Variants in MYO5A observed in about 807,000 individuals in gnomAD.
MYO5A encodes myosin VA, also known as unconventional myosin-Va.
Under a neutral mutation model 249.7 loss-of-function variants are expected in MYO5A, and 98 were observed. The observed-to-expected ratio is 0.39, with a 90% CI of 0.33 to 0.46. MYO5A has a LOEUF of 0.46. Ranked by LOEUF, MYO5A falls within the 20% of genes least tolerant of loss-of-function variation. The pLI is 0.98. For missense variants in MYO5A, 1,696 were observed against 2,308.8 expected (o/e 0.73, Z 5.44); for synonymous variants, 778 against 810.6 (o/e 0.96, Z 0.68).
At chr15:52,367,807 T>C (rs2040885210) in intron 22 of MYO5A, among the ~76,000 whole-genome samples, 2 of 151,640 alleles carry the variant, frequency 1.3e-5, no homozygotes, top group African/African-American at 4.9e-5. Context: ...ATGTACTTAA[T>C]GCCACAGAAC....
At chr15:52,410,218 A>G (rs936613023) in intron 6 of MYO5A, 115 bp downstream of exon 6, 2 of 1,254,300 alleles carry the variant, frequency 1.6e-6, no homozygotes, top group African/African-American at 1.5e-5. Flanking sequence ...GTTGGAGGTA[A>G]TATTGTCATA....
In MYO5A at chr15:52,386,800, G is replaced by A. The variant is rs138306725; in HGVS notation, c.1752+1029C>T. Among the ~76,000 whole-genome samples the A allele has an allele frequency of 5.3e-4, 81 of 152,126 alleles. 1 individual carries two copies. In the East Asian group the frequency reaches 7.0e-3, roughly 13 times the overall value. ...TGGGCTCAAGCAGTCTGCCTGCCTC[G>A]GCCTCCCAAAGTGCTGGGATTACAG... On this transcript the variant is annotated intron_variant, in intron 14 of 41. Transcript: ENST00000399233.
In MYO5A at chr15:52,407,286, C is replaced by A; in HGVS notation, c.946+6G>T. The A allele has an allele frequency of 6.2e-7, 1 of 1,601,264 alleles. No homozygotes were observed. The highest frequency in any genetic ancestry group is 8.6e-7 in the Non-Finnish European group (1 of 1,168,268). ...TCTTAAGAGCTCAAGAATAAAGTGACATTACCTAGCAAAGTGCAGGCCTGC... is the reference window on the plus strand; with the variant it reads ...TCTTAAGAGCTCAAGAATAAAGTGAAATTACCTAGCAAAGTGCAGGCCTGC... On this transcript the variant is annotated splice_donor_region_variant and intron_variant, in intron 8 of 41. Coordinates refer to ENST00000399233, the MANE Select transcript of MYO5A (RefSeq NM_001382347.1).
At chr15:52,364,759 G>A in intron 23 of MYO5A, 57 bp from the exon 24 acceptor site, 1 of 1,583,508 alleles carries the variant, frequency 6.3e-7, no homozygotes, top group Non-Finnish European at 8.6e-7. Flanking sequence ...ATGCAATTGT[G>A]TAAACATGTA....
At chr15:52,522,841 T>TAAAAAAA in intron 1 of MYO5A, among the ~76,000 whole-genome samples, 1 of 136,220 alleles carries the variant, frequency 7.3e-6, no homozygotes, top group Admixed American at 7.4e-5. Context: ...TTTCATTATT[T>TAAAAAAA]AAAAAAAAAA....
chr15:52,314,117 T>A lies in MYO5A; in HGVS notation c.5490+6A>T. ...GTGAATCAAAGAAGAAGATGGGAGC[T>A]CTTACCTGTATAGTACGAATGAACG... On this transcript the variant is annotated splice_donor_region_variant and intron_variant, in intron 41 of 41. Coordinates refer to ENST00000399233, the MANE Select transcript of MYO5A (RefSeq NM_001382347.1). The A allele has an allele frequency of 6.3e-7, 1 of 1,598,136 alleles. No homozygotes were observed. Among genetic ancestry groups the A allele is most frequent in the Non-Finnish European group, 8.6e-7 (1 of 1,166,408 alleles).
chr15:52,385,587 C>T (rs956755844), intron 14 of MYO5A, among the ~76,000 whole-genome samples: 1 of 143,684 alleles, frequency 7.0e-6, no homozygotes, highest in Non-Finnish European at 1.5e-5. Flanking sequence ...TTTTTTTAAA[C>T]TCCTTTTCAA....
intron 12 of MYO5A, among the ~76,000 whole-genome samples, chr15:52,391,221 C>G (rs1023616261): frequency 6.6e-6 from 1 of 152,080 alleles, no homozygotes. Context: ...TGAAAATTAT[C>G]GAGTTTAAAT....
intron 40 of MYO5A, among the ~76,000 whole-genome samples, chr15:52,315,918 A>G (rs1200796245): frequency 6.6e-6 from 1 of 151,548 alleles, no homozygotes; most frequent in Non-Finnish European, 1.5e-5. Flanking sequence ...AAAATTTCAT[A>G]TGTTGTAGGA....
chr15:52,449,938 G>A (rs1304709291), intron 1 of MYO5A, among the ~76,000 whole-genome samples: 2 of 152,186 alleles, frequency 1.3e-5, no homozygotes, highest in South Asian at 2.1e-4. Context: ...GGAGGTCAAG[G>A]CTGCAGTGAG....
intron 1 of MYO5A, among the ~76,000 whole-genome samples, chr15:52,452,575 T>C (rs1389552793): frequency 6.6e-6 from 1 of 152,136 alleles, no homozygotes; most frequent in Non-Finnish European, 1.5e-5. Flanking sequence ...AGCAGTATCA[T>C]ACTGTAGGAG....
At chr15:52,500,354 T>C (rs960438537) in intron 1 of MYO5A, among the ~76,000 whole-genome samples, 2 of 151,466 alleles carry the variant, frequency 1.3e-5, no homozygotes, top group Non-Finnish European at 2.9e-5. Flanking sequence ...TTTTTTTTTT[T>C]TTTTTTTTTG....
At chr15:52,444,278 A>G (rs1033478619) in intron 1 of MYO5A, among the ~76,000 whole-genome samples, 7 of 152,162 alleles carry the variant, frequency 4.6e-5, no homozygotes, top group African/African-American at 1.2e-4. Flanking sequence ...TAGTATTTCC[A>G]TCTATAATTA....
chr15:52,325,385 T>A (rs1463295668), intron 36 of MYO5A, among the ~76,000 whole-genome samples: 1 of 151,482 alleles, frequency 6.6e-6, no homozygotes, highest in African/African-American at 2.4e-5. Context: ...ATTAGTGGGC[T>A]CTAGGCTTTG....
intron 35 of MYO5A, 111 bp downstream of exon 35, chr15:52,330,242 G>C: frequency 7.2e-7 from 1 of 1,387,962 alleles, no homozygotes; most frequent in Admixed American, 1.7e-5. Flanking sequence ...CATGGTATCT[G>C]ATGATGACTA....
At chr15:52,452,235 T>TA (rs917580268) in intron 1 of MYO5A, among the ~76,000 whole-genome samples, 22 of 151,868 alleles carry the variant, frequency 1.4e-4, no homozygotes, top group Admixed American at 3.3e-4. Context: ...AGAGAAGTAT[T>TA]AAAAAAAACT....
chr15:52,410,056 A>G (rs1175897211), intron 6 of MYO5A, among the ~76,000 whole-genome samples: 1 of 152,164 alleles, frequency 6.6e-6, no homozygotes, highest in Non-Finnish European at 1.5e-5. Context: ...ACAAGACTAA[A>G]CCAATAGCAC....
At chr15:52,331,441 C>A (rs568681064) in intron 34 of MYO5A, among the ~76,000 whole-genome samples, 1 of 152,132 alleles carries the variant, frequency 6.6e-6, no homozygotes, top group Non-Finnish European at 1.5e-5. Context: ...TGGAGATACA[C>A]GCTAGTAACC....
intron 1 of MYO5A, among the ~76,000 whole-genome samples, chr15:52,523,616 G>C (rs1198043971): frequency 6.6e-6 from 1 of 152,194 alleles, no homozygotes; most frequent in Non-Finnish European, 1.5e-5. Flanking sequence ...CAGAGAAAAA[G>C]AGTACTAGTG....
Sources: gnomAD v4.1 joint callset for allele counts (sites outside exome capture counted in the v4.1 genomes callset) on GRCh38, gnomAD v4.1.1 for gene constraint, MANE v1.5 for transcripts, NCBI Gene and HGNC (gene_info 2026-07-23, HGNC 2026-07-21) for gene names.